DCAF10: variants seen among roughly 807,000 people sequenced by gnomAD.
DCAF10 encodes DDB1- and CUL4-associated factor 10.
Under a neutral mutation model 51.9 loss-of-function variants are expected in DCAF10, and 19 were observed. The observed-to-expected ratio is 0.37, with a 90% CI of 0.26 to 0.54. The LOEUF is 0.54. Ranked by LOEUF, DCAF10 falls within the 20% of genes least tolerant of loss-of-function variation. DCAF10 has a pLI of 0.87. For synonymous variants in DCAF10, 291 were observed against 297.1 expected (o/e 0.98, Z 0.21); for missense variants, 510 against 730.6 (o/e 0.70, Z 3.48).
intron 2 of DCAF10, chr9:37,835,906 T>C: frequency 8.5e-7 from 1 of 1,179,422 alleles, no homozygotes. Context: ...GTTTGAAAAC[T>C]GTACCCACTT....
rs538225391 is a variant in DCAF10 at position 37,851,060 on chromosome 9, A to G, written c.852-3720A>G. ...GGAGTTCGAGACCAGCCTGGCCAACATGGTGAAACCTTGTCTGTACTGAAA... is the reference window on the plus strand; with the variant it reads ...GGAGTTCGAGACCAGCCTGGCCAACGTGGTGAAACCTTGTCTGTACTGAAA... On this transcript the variant is annotated intron_variant, in intron 3 of 6. Transcript: ENST00000377724. 2.6e-5 allele frequency among the ~76,000 whole-genome samples: 4 copies of G among 151,614 alleles called. No individual in the cohort carries two copies. In the South Asian group the frequency reaches 8.4e-4, roughly 32 times the overall value.
rs1828947309 is a variant in DCAF10, at chr9:37,801,565, C to T, written c.539+160C>T. The T allele has an allele frequency of 2.1e-6, 2 of 940,986 alleles. No homozygotes were observed. The highest frequency in any genetic ancestry group is 3.3e-5 in the East Asian group (1 of 29,922). The allele number at this position is 940,986 out of a possible 1,614,324, so 58.3% of individuals were successfully genotyped here. The stretch of plus-strand genomic sequence containing the variant: ...CCTGGCACTTTCTGAAGCGCATTCT[C>T]GCCCTTGGAATCCCCAGCCCAGCTT... On this transcript the variant is annotated intron_variant, in intron 1 of 6. Coordinates refer to ENST00000377724, the MANE Select transcript of DCAF10 (RefSeq NM_024345.5). This position sits in a 1 kb window ranked among gnomAD's most constrained non-coding sequence, Gnocchi z 5.5.
At chr9:37,831,143 GGAGGCA>G (rs1281338109) in intron 2 of DCAF10, among the ~76,000 whole-genome samples, 4 of 152,184 alleles carry the variant, frequency 2.6e-5, no homozygotes, top group Non-Finnish European at 4.4e-5. Flanking sequence ...CTTGAACCCA[GGAGGCA>G]GAGGTTGCAG....
intron 2 of DCAF10, among the ~76,000 whole-genome samples, chr9:37,822,721 G>C (rs562064942): frequency 2.0e-5 from 3 of 152,112 alleles, no homozygotes; most frequent in South Asian, 2.1e-4. Context: ...GGGTGCACCA[G>C]GGTCTCACAA....
At chr9:37,819,231 T>A in intron 1 of DCAF10, 57 bp from the exon 2 acceptor site, 2 of 1,363,318 alleles carry the variant, frequency 1.5e-6, no homozygotes, top group Non-Finnish European at 2.1e-6. Context: ...TAAGTGAACA[T>A]CAATAACCAG....
At position 37,861,570 on chromosome 9, in the gene DCAF10, G is replaced by C; in HGVS notation, c.*62G>C. On this transcript the variant is annotated 3_prime_UTR_variant, in exon 7 of 7. Transcript: ENST00000377724. The surrounding 1 kb of genome is among the most constrained non-coding windows in gnomAD (Gnocchi z 4.9). The stretch of plus-strand genomic sequence containing the variant: ...TTGACTTAGGAATTGCTTCAATTTA[G>C]ATGAAGTATTTTCTTTTTAGAAGAT... The C allele has an allele frequency of 6.5e-7, 1 of 1,535,670 alleles. No individual in the cohort carries two copies. Among genetic ancestry groups the C allele is most frequent in the Non-Finnish European group, 8.7e-7 (1 of 1,143,852 alleles).
intron 1 of DCAF10, among the ~76,000 whole-genome samples, chr9:37,803,599 C>A (rs1315998016): frequency 2.0e-5 from 3 of 150,670 alleles, no homozygotes; most frequent in Admixed American, 6.7e-5. Context: ...CATTCTTTTT[C>A]ATGTTTATCA....
chr9:37,847,791 T>C (rs1830521922), intron 3 of DCAF10, among the ~76,000 whole-genome samples: 1 of 152,204 alleles, frequency 6.6e-6, no homozygotes, highest in Non-Finnish European at 1.5e-5. Context: ...CTAGACCTAA[T>C]AAACAAGTTT....
intron 3 of DCAF10, among the ~76,000 whole-genome samples, chr9:37,842,586 T>G (rs1010597742): frequency 6.6e-5 from 10 of 152,362 alleles, no homozygotes; most frequent in African/African-American, 2.4e-4. Context: ...GAAACTAAAC[T>G]GTTTCTCACT....
At chr9:37,840,304 A>G (rs956300338) in intron 2 of DCAF10, among the ~76,000 whole-genome samples, 10 of 152,188 alleles carry the variant, frequency 6.6e-5, no homozygotes, top group African/African-American at 2.4e-4. Flanking sequence ...GAGGTTCTTC[A>G]GGAGGTATTC....
chr9:37,853,627 G>T (rs1209647400), intron 3 of DCAF10, among the ~76,000 whole-genome samples: 1 of 151,744 alleles, frequency 6.6e-6, no homozygotes, highest in Non-Finnish European at 1.5e-5. Flanking sequence ...TTTTCTCATA[G>T]AATTATATCC....
At chr9:37,811,086 T>G (rs1490590554) in intron 1 of DCAF10, among the ~76,000 whole-genome samples, 1 of 152,078 alleles carries the variant, frequency 6.6e-6, no homozygotes, top group Non-Finnish European at 1.5e-5. Flanking sequence ...TCCAAGTTCT[T>G]TGGGAGGCTG....
chr9:37,835,609 G>A (rs1223070180), intron 2 of DCAF10, among the ~76,000 whole-genome samples: 1 of 151,788 alleles, frequency 6.6e-6, no homozygotes, highest in Admixed American at 6.6e-5. Context: ...GTGGTGGCGG[G>A]CACCTGTAAT....
chr9:37,819,008 T>C (rs1054423366), intron 1 of DCAF10, among the ~76,000 whole-genome samples: 10 of 152,264 alleles, frequency 6.6e-5, no homozygotes, highest in East Asian at 3.9e-4. Context: ...CCAGAAAAAA[T>C]TGCTGAGTCA....
intron 4 of DCAF10, among the ~76,000 whole-genome samples, chr9:37,856,173 A>G (rs2118167438): frequency 6.6e-6 from 1 of 152,292 alleles, no homozygotes; most frequent in South Asian, 2.1e-4. Flanking sequence ...GAAATGAAAA[A>G]AAAGGTTGGA....
At chr9:37,845,174 A>G (rs1280820984) in intron 3 of DCAF10, among the ~76,000 whole-genome samples, 1 of 152,226 alleles carries the variant, frequency 6.6e-6, no homozygotes, top group Non-Finnish European at 1.5e-5. Context: ...TGAACTAAGC[A>G]TCTTACTCAA....
intron 2 of DCAF10, among the ~76,000 whole-genome samples, chr9:37,836,625 A>C (rs1830172786): frequency 6.9e-6 from 1 of 144,886 alleles, no homozygotes. Context: ...ATTTCAACAA[A>C]CATGAGCAAA....
Position 37,816,659 on chromosome 9 carries a change from G to GGGGGGGTGTGTGTGTGTGTGT in DCAF10, c.540-2628_540-2627insGGGGGTGTGTGTGTGTGTGTG, listed in dbSNP as rs372664140. Among the ~76,000 whole-genome samples, 897 of 144,944 alleles carry GGGGGGGTGTGTGTGTGTGTGT rather than the reference G, an allele frequency of 6.2e-3. 4 individuals are homozygous for GGGGGGGTGTGTGTGTGTGTGT. The highest frequency in any genetic ancestry group is 0.011 in the Non-Finnish European group (704 of 65,590). The stretch of plus-strand genomic sequence containing the variant: ...AATCTCAATTAACATCTGCACCTGG[G>GGGGGGGTGTGTGTGTGTGTGT]GTGTGTGTGTGTGTGTGTGTGTGTG... On this transcript the variant is annotated intron_variant, in intron 1 of 6. Transcript: ENST00000377724.
At chr9:37,822,861 G>A (rs1212595681) in intron 2 of DCAF10, among the ~76,000 whole-genome samples, 2 of 152,168 alleles carry the variant, frequency 1.3e-5, no homozygotes, top group African/African-American at 4.8e-5. Flanking sequence ...CCAGCAACTT[G>A]AGAGGCTGAG....
Sources: gnomAD v4.1 joint callset for allele counts (sites outside exome capture counted in the v4.1 genomes callset) on GRCh38, gnomAD v4.1.1 for gene constraint, Gnocchi (gnomAD v3.1) non-coding constraint, MANE v1.5 for transcripts, NCBI Gene and HGNC (gene_info 2026-07-23, HGNC 2026-07-21) for gene names.